SNTG1: variants seen among roughly 807,000 people sequenced by gnomAD.
SNTG1 encodes gamma-1-syntrophin.
SNTG1 carries 39 observed loss-of-function variants against 74.7 expected under a neutral mutation model. The ratio of observed to expected loss-of-function variants is 0.52; its 90% CI spans 0.40 to 0.68. SNTG1 has a LOEUF of 0.68. Ranked by LOEUF, SNTG1 falls within the 30% of genes least tolerant of loss-of-function variation. The pLI, the probability that SNTG1 is intolerant of heterozygous loss-of-function variation, is 0.00. For missense variants in SNTG1, 685 were observed against 609.5 expected, an observed-to-expected ratio of 1.12 and a Z score of -1.30; for synonymous variants, 254 against 217.1, an observed-to-expected ratio of 1.17 and a Z score of -1.49.
At chr8:50,741,338 G>A (rs1450146756) in intron 17 of SNTG1, among the ~76,000 whole-genome samples, 2 of 152,004 alleles carry the variant, frequency 1.3e-5, no homozygotes, top group Non-Finnish European at 2.9e-5. Context: ...GGCCAGGCTG[G>A]TCTTAAATTC....
chr8:50,262,770 A>G (rs2087261035), intron 2 of SNTG1, among the ~76,000 whole-genome samples: 1 of 152,168 alleles, frequency 6.6e-6, no homozygotes, highest in Non-Finnish European at 1.5e-5. Context: ...AAAAAGAAAG[A>G]AACTATCAAG....
intron 1 of SNTG1, among the ~76,000 whole-genome samples, chr8:49,942,421 A>G (rs1002172266): frequency 2.6e-5 from 4 of 152,226 alleles, no homozygotes; most frequent in Non-Finnish European, 5.9e-5. Flanking sequence ...TATTATTAAC[A>G]TCTTACACTA....
chr8:50,525,316 G>A (rs2094211268), intron 9 of SNTG1, among the ~76,000 whole-genome samples: 1 of 152,016 alleles, frequency 6.6e-6, no homozygotes, highest in African/African-American at 2.4e-5. Context: ...CTGTTTATCT[G>A]TGACTTTTGA....
At chr8:50,089,988 A>G (rs1215116877) in intron 1 of SNTG1, among the ~76,000 whole-genome samples, 1 of 152,174 alleles carries the variant, frequency 6.6e-6, no homozygotes, top group Non-Finnish European at 1.5e-5. Context: ...TTCACAATAT[A>G]ATTTATTTTA....
chr8:50,729,732 A>G (rs1472113254), intron 17 of SNTG1, among the ~76,000 whole-genome samples: 1 of 152,174 alleles, frequency 6.6e-6, no homozygotes, highest in Non-Finnish European at 1.5e-5. Context: ...GGAAGGGAGG[A>G]TAGGCAAGAA....
chr8:50,223,651 G>A (rs185966295), intron 2 of SNTG1, among the ~76,000 whole-genome samples: 1 of 151,884 alleles, frequency 6.6e-6, no homozygotes, highest in South Asian at 2.1e-4. Context: ...AAAAAGAAAA[G>A]AGCAATAAAA....
At chr8:50,503,548 T>G (rs1298283731) in intron 9 of SNTG1, among the ~76,000 whole-genome samples, 1 of 152,168 alleles carries the variant, frequency 6.6e-6, no homozygotes, top group Non-Finnish European at 1.5e-5. Context: ...AGCCCAGAAA[T>G]GACTACTCAC....
At chr8:50,714,058 C>CAA (rs34349683) in intron 17 of SNTG1, among the ~76,000 whole-genome samples, 2 of 104,908 alleles carry the variant, frequency 1.9e-5, no homozygotes, top group African/African-American at 7.5e-5. Flanking sequence ...GACTCCATTT[C>CAA]AAAAAAAAAA....
At chr8:50,451,961 C>A (rs2093461668) in intron 8 of SNTG1, among the ~76,000 whole-genome samples, 1 of 152,088 alleles carries the variant, frequency 6.6e-6, no homozygotes, top group Non-Finnish European at 1.5e-5. Flanking sequence ...ATACTGTAGT[C>A]CTTTTGCTTG....
chr8:50,413,522 C>G (rs1587530680), intron 4 of SNTG1, among the ~76,000 whole-genome samples: 1 of 152,262 alleles, frequency 6.6e-6, no homozygotes, highest in East Asian at 1.9e-4. Flanking sequence ...ATCCACGCCC[C>G]ATGGTAATCT....
chr8:50,342,850 G>T (rs757186633), intron 2 of SNTG1, among the ~76,000 whole-genome samples: 1 of 152,134 alleles, frequency 6.6e-6, no homozygotes, highest in Non-Finnish European at 1.5e-5. Context: ...AGTGGAAAGG[G>T]AGAGCAGTCT....
At chr8:50,164,827 C>T (rs1196878194) in intron 1 of SNTG1, among the ~76,000 whole-genome samples, 1 of 152,060 alleles carries the variant, frequency 6.6e-6, no homozygotes, top group East Asian at 1.9e-4. Flanking sequence ...TATTATGCTC[C>T]TTGGCTTTAT....
At chr8:50,014,495 T>C (rs1050154179) in intron 1 of SNTG1, among the ~76,000 whole-genome samples, 1 of 152,064 alleles carries the variant, frequency 6.6e-6, no homozygotes, top group African/African-American at 2.4e-5. Context: ...TACTCTTGGG[T>C]ATCTAAACTG....
intron 8 of SNTG1, among the ~76,000 whole-genome samples, chr8:50,484,280 G>T (rs2093770949): frequency 1.4e-5 from 2 of 147,980 alleles, no homozygotes; most frequent in Admixed American, 1.4e-4. Flanking sequence ...CAATGGCACA[G>T]TCTCAGCTCA....
chr8:50,039,010 G>T (rs1467983300), intron 1 of SNTG1, among the ~76,000 whole-genome samples: 1 of 152,146 alleles, frequency 6.6e-6, no homozygotes, highest in Non-Finnish European at 1.5e-5. Flanking sequence ...GACACATAAG[G>T]ATGCCTTGTG....
At chr8:50,589,707 C>A (rs1459789471) in intron 12 of SNTG1, among the ~76,000 whole-genome samples, 1 of 151,710 alleles carries the variant, frequency 6.6e-6, no homozygotes, top group Non-Finnish European at 1.5e-5. Flanking sequence ...TATGAATTAG[C>A]AAAAAGTAGA....
chr8:50,564,207 C>T (rs548196330), intron 12 of SNTG1, among the ~76,000 whole-genome samples: 1 of 151,854 alleles, frequency 6.6e-6, no homozygotes, highest in East Asian at 1.9e-4. Context: ...TGGTCGCTGT[C>T]TCTGGATGTA....
intron 2 of SNTG1, among the ~76,000 whole-genome samples, chr8:50,338,527 A>C (rs1008392422): frequency 6.6e-6 from 1 of 152,250 alleles, no homozygotes; most frequent in Non-Finnish European, 1.5e-5. Flanking sequence ...AATGGAATAA[A>C]GTTGACAGCA....
At chr8:50,520,216 G>GCT (rs2094167971) in intron 9 of SNTG1, among the ~76,000 whole-genome samples, 1 of 152,172 alleles carries the variant, frequency 6.6e-6, no homozygotes, top group Non-Finnish European at 1.5e-5. Flanking sequence ...AATAAATGCT[G>GCT]CTGGGAAAAC....
Sources: allele counts gnomAD v4.1 joint callset (sites outside exome capture counted in the v4.1 genomes callset), GRCh38; gene constraint gnomAD v4.1.1; transcripts MANE v1.5; gene names NCBI Gene and HGNC (gene_info 2026-07-23, HGNC 2026-07-21).